The following INPP5F variants were observed in gnomAD, a reference collection of about 807,000 sequenced individuals.
INPP5F encodes phosphatidylinositide 4-phosphatase SAC2.
Under a neutral mutation model 137.2 loss-of-function variants are expected in INPP5F, and 97 were observed. The observed-to-expected ratio is 0.71, with a 90% CI of 0.60 to 0.84. The LOEUF (loss-of-function observed/expected upper bound fraction) is 0.84. Ranked by LOEUF, INPP5F falls within the 40% of genes least tolerant of loss-of-function variation. The pLI, the probability that INPP5F is intolerant of heterozygous loss-of-function variation, is 0.00. For synonymous variants in INPP5F, 504 were observed against 476.9 expected (o/e 1.06, Z -0.74); for missense variants, 1,271 against 1,371.9 (o/e 0.93, Z 1.16).
At chr10:119,790,875 C>T (rs896827254) in intron 3 of INPP5F, among the ~76,000 whole-genome samples, 1 of 152,266 alleles carries the variant, frequency 6.6e-6, no homozygotes, top group Non-Finnish European at 1.5e-5. Flanking sequence ...CGTATTCACG[C>T]TCCCACGCCC....
At chr10:119,726,393 G>C (rs1411590859) in intron 1 of INPP5F, 34 bp downstream of exon 1, 15 of 1,220,382 alleles carry the variant, frequency 1.2e-5, no homozygotes, top group Non-Finnish European at 1.6e-5. Flanking sequence ...GGGCACCCCG[G>C]GCCAGGGCGG....
intron 15 of INPP5F, chr10:119,814,745 T>C (rs894626119): frequency 2.0e-5 from 3 of 152,298 alleles, no homozygotes; most frequent in Admixed American, 6.5e-5. Context: ...TTAATCCTTA[T>C]TGCTGCTTTG....
chr10:119,796,622 A>T (rs1220811891), intron 6 of INPP5F, 93 bp from the exon 7 acceptor site: 3 of 993,138 alleles, frequency 3.0e-6, no homozygotes, highest in Non-Finnish European at 4.9e-6. Context: ...TGCTTCTAAT[A>T]AACTGAGAAA....
chr10:119,805,370 G>T lies in INPP5F; in HGVS notation c.1242-14G>T. On this transcript the variant is annotated splice_polypyrimidine_tract_variant and intron_variant, in intron 10 of 19. Coordinates refer to ENST00000650623, the MANE Select transcript of INPP5F (RefSeq NM_014937.4). ...AAATTAAAGATTTTTTCTTTCTTTT[G>T]GCATGGATTTTAGCCGAGGAATGAA... The T allele has an allele frequency of 6.3e-7, 1 of 1,599,050 alleles. No homozygotes were observed. Among genetic ancestry groups the T allele is most frequent in the Non-Finnish European group, 8.6e-7 (1 of 1,168,768 alleles).
chr10:119,814,822 G>GCT (rs1352334827), intron 15 of INPP5F, among the ~76,000 whole-genome samples: 1 of 152,158 alleles, frequency 6.6e-6, no homozygotes, highest in East Asian at 1.9e-4. Flanking sequence ...TGAGCTTTCT[G>GCT]CTGAGTTTGC....
intron 1 of INPP5F, among the ~76,000 whole-genome samples, chr10:119,740,781 T>G (rs1848350923): frequency 6.6e-6 from 1 of 152,136 alleles, no homozygotes; most frequent in African/African-American, 2.4e-5. Context: ...GACCTCATCA[T>G]CCTCCTGCCT....
chr10:119,727,193 C>T (rs1026623222), intron 1 of INPP5F, among the ~76,000 whole-genome samples: 25 of 152,344 alleles, frequency 1.6e-4, no homozygotes, highest in African/African-American at 5.5e-4. Context: ...ATCCTTTCCT[C>T]ATATCACTCA....
At chr10:119,727,928 C>G in intron 1 of INPP5F, among the ~76,000 whole-genome samples, 1 of 152,174 alleles carries the variant, frequency 6.6e-6, no homozygotes, top group Non-Finnish European at 1.5e-5. Flanking sequence ...AGAGTCAACT[C>G]CTTGGATTCT....
Position 119,801,316 on chromosome 10 carries a change from C to T in INPP5F, c.1116+2706C>T, listed in dbSNP as rs776095787. Among the ~76,000 whole-genome samples, 8 of 152,224 alleles carry T rather than the reference C, an allele frequency of 5.3e-5. No homozygotes were observed. The East Asian group carries it at 1.3e-3, about 26-fold the overall frequency. ...CCACAAAACAAAATTAGGTCATTTA[C>T]ATACAGTTGGTTCTCTTCCATTTAT... On this transcript the variant is annotated intron_variant, in intron 9 of 19. Transcript: ENST00000650623.
At chr10:119,798,844 T>C (rs1211522596) in intron 9 of INPP5F, among the ~76,000 whole-genome samples, 1 of 147,922 alleles carries the variant, frequency 6.8e-6, no homozygotes, top group African/African-American at 2.5e-5. Flanking sequence ...TTGCCCAGGC[T>C]GGACTCAAAC....
At chr10:119,803,405 C>G (rs917969664) in intron 9 of INPP5F, among the ~76,000 whole-genome samples, 2 of 152,156 alleles carry the variant, frequency 1.3e-5, no homozygotes, top group Non-Finnish European at 2.9e-5. Context: ...CATATTTGCC[C>G]CACAGTGGTA....
rs748322185 is a variant in INPP5F, at chr10:119,811,888, A to C, written c.1819A>C (p.Met607Leu). Residue 607 changes from methionine (M) to leucine (L), a missense_variant, in exon 15 of 20, where the codon ATG (methionine) becomes CTG (leucine). By Grantham distance (15) the Met-to-Leu change is conservative. Coordinates refer to ENST00000650623, the MANE Select transcript of INPP5F (RefSeq NM_014937.4). ...ELISQLLQSY[M>L]KLLLPDDEKF... Reference sequence around the variant, plus strand: ...AATTAGCCAGCTCTTACAAAGTTACATGAAGTTACTACTGCCTGATGATGA... The same window carrying C: ...AATTAGCCAGCTCTTACAAAGTTACCTGAAGTTACTACTGCCTGATGATGA... The C allele has an allele frequency of 1.2e-6, 2 of 1,614,216 alleles. No individual in the cohort carries two copies. The highest frequency in any genetic ancestry group is 1.1e-5 in the South Asian group (1 of 91,084).
chr10:119,803,328 T>C (rs193301165), intron 9 of INPP5F, among the ~76,000 whole-genome samples: 13 of 152,330 alleles, frequency 8.5e-5, no homozygotes, highest in Admixed American at 8.5e-4. Context: ...TAATGAGATG[T>C]AGGGAGCTAA....
chr10:119,811,221 G>C (rs1215641092), intron 14 of INPP5F, among the ~76,000 whole-genome samples: 1 of 152,200 alleles, frequency 6.6e-6, no homozygotes, highest in Non-Finnish European at 1.5e-5. Flanking sequence ...GTAGCAATCT[G>C]TGCTTGTCTC....
intron 2 of INPP5F, among the ~76,000 whole-genome samples, chr10:119,770,911 T>G (rs1253443294): frequency 6.6e-6 from 1 of 152,206 alleles, no homozygotes; most frequent in East Asian, 1.9e-4. Flanking sequence ...AGAAGGAGAT[T>G]TTTTTGAAAA....
At chr10:119,783,866 A>G (rs1465865209) in intron 3 of INPP5F, among the ~76,000 whole-genome samples, 1 of 152,214 alleles carries the variant, frequency 6.6e-6, no homozygotes, top group East Asian at 1.9e-4. Flanking sequence ...GTTCACGTTA[A>G]GAGTTGAGTA....
At chr10:119,804,499 T>C (rs1475733398) in intron 10 of INPP5F, among the ~76,000 whole-genome samples, 1 of 152,184 alleles carries the variant, frequency 6.6e-6, no homozygotes, top group African/African-American at 2.4e-5. Flanking sequence ...TTCCAAAATA[T>C]TTACAGTCGT....
At chr10:119,756,441 G>A (rs541716186) in intron 2 of INPP5F, among the ~76,000 whole-genome samples, 2 of 151,994 alleles carry the variant, frequency 1.3e-5, no homozygotes, top group Non-Finnish European at 2.9e-5. Flanking sequence ...TTCGAGACAA[G>A]CCTGGCTAAC....
rs1406554824 is a variant in INPP5F, at chr10:119,726,086, C to T, written c.-177C>T. 9 of 375,198 alleles carry T rather than the reference C, an allele frequency of 2.4e-5. No individual in the cohort carries two copies. Among genetic ancestry groups the T allele is most frequent in the Non-Finnish European group, 4.2e-5 (9 of 212,884 alleles). 23.2% of individuals were successfully genotyped at this position (375,198 alleles called of 1,614,324 possible). A position where few individuals can be genotyped will look rare whatever the true frequency, so the allele number is the denominator to read the frequency against. On this transcript the variant is annotated 5_prime_UTR_variant, in exon 1 of 20. Coordinates refer to ENST00000650623, the MANE Select transcript of INPP5F (RefSeq NM_014937.4). ...ACGGCCGCCGCTGCCGCCGCCGCTGCCGGGGCGCGTTCTCCTCCTACCGGT... is the reference window on the plus strand; with the variant it reads ...ACGGCCGCCGCTGCCGCCGCCGCTGTCGGGGCGCGTTCTCCTCCTACCGGT...
Sources: allele counts gnomAD v4.1 joint callset (sites outside exome capture counted in the v4.1 genomes callset), GRCh38; gene constraint gnomAD v4.1.1; transcripts MANE v1.5; gene names NCBI Gene and HGNC (gene_info 2026-07-23, HGNC 2026-07-21).